Variants in CDH23 observed in about 807,000 individuals in gnomAD.
The protein encoded by CDH23 is cadherin related 23, also known as cadherin-23.
In CDH23, 189 loss-of-function variants were observed where a neutral mutation model predicts 317.1. That is an observed-to-expected ratio of 0.60 (90% confidence interval 0.53 to 0.67). The LOEUF is 0.67. Among genes scored for constraint, CDH23 ranks in the 30% least tolerant of loss-of-function variants. The pLI, the probability that CDH23 is intolerant of heterozygous loss-of-function variation, is 0.00. For missense variants in CDH23, 4,401 were observed against 4,592.4 expected, an observed-to-expected ratio of 0.96 and a Z score of 1.20; for synonymous variants, 1,839 against 1,876.8, an observed-to-expected ratio of 0.98 and a Z score of 0.52.
At chr10:71,434,218 C>T (rs796193185) in intron 1 of CDH23, among the ~76,000 whole-genome samples, 3 of 152,346 alleles carry the variant, frequency 2.0e-5, no homozygotes, top group African/African-American at 7.2e-5. Flanking sequence ...TGTCACCTCC[C>T]CAGTGACCCT....
At chr10:71,455,670 A>G (rs1474885546) in intron 3 of CDH23, among the ~76,000 whole-genome samples, 1 of 152,186 alleles carries the variant, frequency 6.6e-6, no homozygotes, top group Non-Finnish European at 1.5e-5. Flanking sequence ...CAGTATGTTC[A>G]ATTGTAACAG....
At chr10:71,619,445 C>T (rs1024994935) in intron 11 of CDH23, among the ~76,000 whole-genome samples, 1 of 152,194 alleles carries the variant, frequency 6.6e-6, no homozygotes, top group Non-Finnish European at 1.5e-5. Flanking sequence ...CTTGTATCCC[C>T]CTTTAGGGCA....
At chr10:71,652,659 A>G (rs1863232950) in intron 14 of CDH23, among the ~76,000 whole-genome samples, 1 of 152,224 alleles carries the variant, frequency 6.6e-6, no homozygotes, top group African/African-American at 2.4e-5. Flanking sequence ...GTGAGAATCA[A>G]ATGAAATGAT....
At chr10:71,796,133 G>A in intron 48 of CDH23, 1 of 975,570 alleles carries the variant, frequency 1.0e-6, no homozygotes, top group Non-Finnish European at 1.2e-6. Context: ...CCCAGCAGGG[G>A]GATCTGCCAA....
intron 6 of CDH23, among the ~76,000 whole-genome samples, chr10:71,547,543 C>T (rs950785114): frequency 2.6e-5 from 4 of 152,144 alleles, no homozygotes; most frequent in Admixed American, 6.5e-5. Flanking sequence ...AGGGTTGTGG[C>T]GACACGCCCA....
At chr10:71,795,870 C>G (rs1416105946) in intron 48 of CDH23, 1 of 986,788 alleles carries the variant, frequency 1.0e-6, no homozygotes, top group Non-Finnish European at 1.2e-6. Context: ...CACTTCCCAC[C>G]TCATCTCTTC....
chr10:71,800,495 G>T (rs1175569151), intron 52 of CDH23, 141 bp from the exon 53 acceptor site: 6 of 1,040,574 alleles, frequency 5.8e-6, no homozygotes, highest in Admixed American at 2.4e-5. Context: ...CCTAGAATGG[G>T]AGCTTGCTGG....
chr10:71,705,274 C>A, intron 25 of CDH23, 144 bp downstream of exon 25: 1 of 758,470 alleles, frequency 1.3e-6, no homozygotes, highest in South Asian at 1.8e-5. Context: ...GAGGTGCCCT[C>A]CCCAGCTGGA....
At chr10:71,786,425 G>A (rs924882230) in intron 44 of CDH23, among the ~76,000 whole-genome samples, 3 of 151,440 alleles carry the variant, frequency 2.0e-5, no homozygotes, top group Non-Finnish European at 2.9e-5. Context: ...CAGAGGAGAC[G>A]TCAGGCTGGA....
rs991884725 is a variant in CDH23 at position 71,712,526 on chromosome 10, G to A, written c.3221-139G>A. 11 of 815,972 alleles carry A rather than the reference G, an allele frequency of 1.3e-5. No individual in the cohort carries two copies. In the African/African-American group the frequency reaches 1.9e-4, roughly 14 times the overall value. The allele number at this position is 815,972 out of a possible 1,614,324, so 50.5% of individuals were successfully genotyped here. ...GTGTTATTCCTAAGCTAAAAAGGAA[G>A]TCACCCCTTGCAAAGGCTAGGGCAG... On this transcript the variant is annotated intron_variant, in intron 27 of 69. Coordinates refer to ENST00000224721, the MANE Select transcript of CDH23 (RefSeq NM_022124.6).
At chr10:71,765,768 T>C (rs7919533) in intron 38 of CDH23, among the ~76,000 whole-genome samples, 78,877 of 151,886 alleles carry the variant, frequency 0.52, 21,321 homozygotes, top group Middle Eastern at 0.66. Flanking sequence ...CCAAAGGAGT[T>C]GTTCCCCTTT....
chr10:71,462,370 C>T (rs1233633496), intron 3 of CDH23, among the ~76,000 whole-genome samples: 1 of 152,270 alleles, frequency 6.6e-6, no homozygotes, highest in African/African-American at 2.4e-5. Flanking sequence ...CCACCGCCAT[C>T]TGCTTTAGAG....
chr10:71,509,965 G>C (rs1298713825), intron 3 of CDH23, 117 bp from the exon 4 acceptor site: 1 of 1,170,800 alleles, frequency 8.5e-7, no homozygotes, highest in Non-Finnish European at 1.3e-6. Context: ...TCTGTGGCCT[G>C]CTGGAGGATT....
Position 71,807,838 on chromosome 10 carries a change from TC to T in CDH23, c.8561-6del. The T allele has an allele frequency of 6.3e-7, 1 of 1,598,220 alleles. No homozygotes were observed. Among genetic ancestry groups the T allele is most frequent in the Non-Finnish European group, 8.5e-7 (1 of 1,172,298 alleles). ...CCTGCCACTTACACCACCTGCCTCT[TC>T]CTGCAGGGGTGGCCACCGACGCCAA... On this transcript the variant is annotated splice_polypyrimidine_tract_variant and splice_region_variant and intron_variant, in intron 59 of 69. Coordinates refer to ENST00000224721, the MANE Select transcript of CDH23 (RefSeq NM_022124.6).
intron 1 of CDH23, among the ~76,000 whole-genome samples, chr10:71,409,480 TG>T (rs910187880): frequency 2.6e-5 from 4 of 152,022 alleles, no homozygotes; most frequent in African/African-American, 9.7e-5. Context: ...GGACGGAGGA[TG>T]GGGAGGCGCT....
intron 9 of CDH23, among the ~76,000 whole-genome samples, chr10:71,603,885 T>G (rs1860379781): frequency 6.6e-6 from 1 of 152,224 alleles, no homozygotes; most frequent in African/African-American, 2.4e-5. Context: ...CACGGTATTT[T>G]GTGGATCCAG....
chr10:71,463,738 A>C (rs1851120592), intron 3 of CDH23, among the ~76,000 whole-genome samples: 1 of 152,224 alleles, frequency 6.6e-6, no homozygotes, highest in Non-Finnish European at 1.5e-5. Context: ...AGACATCTTC[A>C]TGGTAGAACT....
chr10:71,447,661 C>T (rs1478985001), intron 3 of CDH23, among the ~76,000 whole-genome samples: 1 of 152,092 alleles, frequency 6.6e-6, no homozygotes, highest in Non-Finnish European at 1.5e-5. Context: ...TTGAGGGCTC[C>T]CCAGGAAGAA....
intron 20 of CDH23, among the ~76,000 whole-genome samples, chr10:71,692,210 C>T (rs74147003): frequency 0.033 from 4,950 of 152,226 alleles, 277 homozygotes; most frequent in African/African-American, 0.11. Context: ...TCGCAGAGCA[C>T]GAACTTCTGA....
Sources: allele counts gnomAD v4.1 joint callset (sites outside exome capture counted in the v4.1 genomes callset), GRCh38; gene constraint gnomAD v4.1.1; transcripts MANE v1.5; gene names NCBI Gene and HGNC (gene_info 2026-07-23, HGNC 2026-07-21).